Variants in CDC42EP5 observed in about 807,000 individuals in gnomAD.
CDC42EP5 encodes the protein CDC42 effector protein (Rho GTPase binding) 5.
For synonymous variants in CDC42EP5, 118 were observed against 123.3 expected, an observed-to-expected ratio of 0.96 and a Z score of 0.28; for missense variants, 269 against 238.0, an observed-to-expected ratio of 1.13 and a Z score of -0.86.
intron 2 of CDC42EP5, among the ~76,000 whole-genome samples, chr19:54,468,888 A>ATTCCTTCCTTCCTTCCTTCCTTCCTTCC (rs774378859): frequency 0.014 from 1,636 of 116,324 alleles, 49 homozygotes; most frequent in Middle Eastern, 0.028. Context: ...AGATACTCTG[A>ATTCCTTCCTTCCTTCCTTCCTTCCTTCC]TTCCTTCCTT....
intron 2 of CDC42EP5, among the ~76,000 whole-genome samples, chr19:54,465,939 G>A (rs930873810): frequency 1.3e-5 from 2 of 151,588 alleles, no homozygotes; most frequent in Admixed American, 1.3e-4. Flanking sequence ...CCGGCCTCCC[G>A]TTTCACAGAT....
rs1177778944 is a variant in CDC42EP5 at position 54,465,441 on chromosome 19, A to C, written c.107T>G (p.Val36Gly). 2 of 1,505,826 alleles carry C rather than the reference A, an allele frequency of 1.3e-6. No individual in the cohort carries two copies. Among genetic ancestry groups the C allele is most frequent in the Non-Finnish European group, 1.8e-6 (2 of 1,138,296 alleles). 93.3% of individuals were successfully genotyped at this position (1,505,826 alleles called of 1,614,324 possible). ...CCCGAAGGCGTCGCCGCCGCGCCCC[A>C]CGTGCAGCGTGTGCCGGAAGTCGCC... The part of the protein sequence containing the change: ...PLGDFRHTLH[V>G]GRGGDAFGDT... The change falls in exon 3 of 3, where the codon GTG becomes GGG. Residue 36 changes from valine (V) to glycine (G), a missense_variant. By Grantham distance (109) the Val-to-Gly change is moderately radical. Coordinates refer to ENST00000301200, the MANE Select transcript of CDC42EP5 (RefSeq NM_145057.4).
At chr19:54,470,900 T>C (rs2084826454) in intron 2 of CDC42EP5, among the ~76,000 whole-genome samples, 2 of 152,282 alleles carry the variant, frequency 1.3e-5, no homozygotes, top group Admixed American at 6.5e-5. Flanking sequence ...TCTGACACCC[T>C]TGATTGTCTT....
intron 2 of CDC42EP5, among the ~76,000 whole-genome samples, chr19:54,469,802 C>G (rs1173624674): frequency 1.3e-5 from 2 of 152,198 alleles, no homozygotes; most frequent in Non-Finnish European, 2.9e-5. Context: ...GTGTCTAGAG[C>G]TGGCTGCCTC....
At position 54,465,305 on chromosome 19, in the gene CDC42EP5, C is replaced by T. The variant is rs1310357950; in HGVS notation, c.243G>A (p.Ala81=). The T allele has an allele frequency of 8.1e-7, 1 of 1,230,164 alleles. No individual in the cohort carries two copies. The highest frequency in any genetic ancestry group is 1.0e-6 in the Non-Finnish European group (1 of 985,016). The allele number at this position is 1,230,164 out of a possible 1,614,324, so 76.2% of individuals were successfully genotyped here. Residue 81 remains alanine, a synonymous_variant, in exon 3 of 3, where the codon GCG becomes GCA. Coordinates refer to ENST00000301200, the MANE Select transcript of CDC42EP5 (RefSeq NM_145057.4). ...ACAGCAGCGGGTCGGCAGGCGAGGG[C>T]GCTGCGGACTGCGGGACGGCGGGCG... ...PPPPAVPQSA[A]PSPADPLLSF... is the part of the protein sequence containing the mutation.
chr19:54,466,367 G>A (rs2084756875), intron 2 of CDC42EP5, among the ~76,000 whole-genome samples: 1 of 152,170 alleles, frequency 6.6e-6, no homozygotes, highest in Non-Finnish European at 1.5e-5. Flanking sequence ...GGAGGCGGAG[G>A]TTGCAGGGAG....
chr19:54,469,951 A>G (rs1347304779), intron 2 of CDC42EP5, among the ~76,000 whole-genome samples: 1 of 152,044 alleles, frequency 6.6e-6, no homozygotes, highest in Non-Finnish European at 1.5e-5. Context: ...CAACACACAT[A>G]AAGTCTTGGT....
intron 2 of CDC42EP5, among the ~76,000 whole-genome samples, chr19:54,471,047 A>G (rs2123300072): frequency 6.6e-6 from 1 of 152,012 alleles, no homozygotes; most frequent in East Asian, 1.9e-4. Context: ...GAAGCCTCTG[A>G]CCTCCCTCTG....
chr19:54,468,563 G>A (rs999764574), intron 2 of CDC42EP5, among the ~76,000 whole-genome samples: 3 of 152,034 alleles, frequency 2.0e-5, no homozygotes, highest in Non-Finnish European at 2.9e-5. Flanking sequence ...GTCTTGTTTT[G>A]AGACAGGGTC....
At position 54,473,139 on chromosome 19, in the gene CDC42EP5, A is replaced by C. The variant is rs980084191; in HGVS notation, c.-217T>G. The C allele has an allele frequency of 2.6e-5, 4 of 153,174 alleles. No homozygotes were observed. Among genetic ancestry groups the C allele is most frequent in the African/African-American group, 9.6e-5 (4 of 41,480 alleles). The allele number at this position is 153,174 out of a possible 1,614,324, so 9.5% of individuals were successfully genotyped here. On this transcript the variant is annotated 5_prime_UTR_variant, in exon 1 of 3. Coordinates refer to ENST00000301200, the MANE Select transcript of CDC42EP5 (RefSeq NM_145057.4). ...CCAGGCAGAAGCGGAATCACCGCCC[A>C]GTCCCCAGGCAGAGAGGGTTTTGGC...
At position 54,465,360 on chromosome 19, in the gene CDC42EP5, G is replaced by T. The variant is rs1219881398; in HGVS notation, c.188C>A (p.Pro63His). ...GGGPPPEPRA[P>H]PAGAPRSPPP... ...CGGGGAGCGCGGGGCCCCCGCGGGG[G>T]GCGCCCGGGGCTCGGGGGGCGGCCC... Residue 63 changes from proline (P) to histidine (H), a missense_variant, in exon 3 of 3, where the codon CCC (proline) becomes CAC (histidine). Physicochemically the swap from Pro to His is moderately conservative, Grantham distance 77. Transcript: ENST00000301200. 35 of 1,156,732 alleles carry T rather than the reference G, an allele frequency of 3.0e-5. No individual in the cohort carries two copies. The highest frequency in any genetic ancestry group is 3.6e-4 in the Middle Eastern group (1 of 2,786). 71.7% of individuals were successfully genotyped at this position (1,156,732 alleles called of 1,614,324 possible). A position where few individuals can be genotyped will look rare whatever the true frequency, so the allele number is the denominator to read the frequency against.
intron 2 of CDC42EP5, among the ~76,000 whole-genome samples, chr19:54,469,793 T>C (rs2084810270): frequency 6.6e-6 from 1 of 152,132 alleles, no homozygotes; most frequent in Non-Finnish European, 1.5e-5. Flanking sequence ...GGAACTCCAG[T>C]GTCTAGAGCT....
At chr19:54,465,976 C>A (rs565827159) in intron 2 of CDC42EP5, among the ~76,000 whole-genome samples, 2 of 152,314 alleles carry the variant, frequency 1.3e-5, no homozygotes, top group East Asian at 3.9e-4. Flanking sequence ...CCAGGAGGTC[C>A]CATGGGCACA....
intron 2 of CDC42EP5, among the ~76,000 whole-genome samples, chr19:54,467,949 T>C (rs1434790589): frequency 6.6e-6 from 1 of 152,216 alleles, no homozygotes. Flanking sequence ...GTCACTGTTA[T>C]CGCAATAATA....
Position 54,465,131 on chromosome 19 carries a change from G to T in CDC42EP5, c.417C>A (p.Asp139Glu). 7.2e-7 allele frequency: 1 copy of T among 1,390,894 alleles called. No homozygotes were observed. 86.2% of individuals were successfully genotyped at this position (1,390,894 alleles called of 1,614,324 possible). A position where few individuals can be genotyped will look rare whatever the true frequency, so the allele number is the denominator to read the frequency against. Residue 139 changes from aspartate (D) to glutamate (E), a missense_variant, in exon 3 of 3, where the codon GAC becomes GAA. Coordinates refer to ENST00000301200, the MANE Select transcript of CDC42EP5 (RefSeq NM_145057.4). ...GGCCGATGACGTCGTTCAGCTCGAG[G>T]TCCGCGTTGGGGCGGCAGCGGGCCT... ...PPQARCRPNA[D>E]LELNDVIGL is the part of the protein sequence containing the mutation.
In CDC42EP5 at chr19:54,468,888, ATTCCTTCC is replaced by A. The variant is rs774378859; in HGVS notation, c.-1+2649_-1+2656del. ...GTCTTACAACGTGGTAGATACTCTG[ATTCCTTCC>A]TTCCTTCCTTCCTTCCTTCCTTCCT... is the stretch of plus-strand genomic sequence containing the variant. On this transcript the variant is annotated intron_variant, in intron 2 of 2. Transcript: ENST00000301200. Among the ~76,000 whole-genome samples, 64 of 116,382 alleles carry A rather than the reference ATTCCTTCC, an allele frequency of 5.5e-4. No homozygotes were observed. The South Asian group carries it at 0.012, about 21-fold the overall frequency. The allele number at this position is 116,382 out of a possible 152,430, so 76.4% of individuals were successfully genotyped here.
Position 54,465,057 on chromosome 19 carries a change from A to G in CDC42EP5, c.*44T>C. On this transcript the variant is annotated 3_prime_UTR_variant, in exon 3 of 3. Coordinates refer to ENST00000301200, the MANE Select transcript of CDC42EP5 (RefSeq NM_145057.4). ...ACACACCTTGGCCGTTTATGTATAC[A>G]GAAGTGGGGTGCCGGGCGGGAAGGG... 3 of 1,288,648 alleles carry G rather than the reference A, an allele frequency of 2.3e-6. No individual in the cohort carries two copies. The highest frequency in any genetic ancestry group is 2.0e-6 in the Non-Finnish European group (2 of 1,014,470). The allele number at this position is 1,288,648 out of a possible 1,614,324, so 79.8% of individuals were successfully genotyped here.
Position 54,465,442 on chromosome 19 carries a change from C to A in CDC42EP5, c.106G>T (p.Val36Leu). 4.6e-6 allele frequency: 7 copies of A among 1,508,184 alleles called. No homozygotes were observed. Among genetic ancestry groups the A allele is most frequent in the Non-Finnish European group, 6.1e-6 (7 of 1,139,442 alleles). 93.4% of individuals were successfully genotyped at this position (1,508,184 alleles called of 1,614,324 possible). Residue 36 changes from valine (V) to leucine (L), a missense_variant, in exon 3 of 3, where the codon GTG (valine) becomes TTG (leucine). Coordinates refer to ENST00000301200, the MANE Select transcript of CDC42EP5 (RefSeq NM_145057.4). ...CCGAAGGCGTCGCCGCCGCGCCCCA[C>A]GTGCAGCGTGTGCCGGAAGTCGCCG... ...PLGDFRHTLH[V>L]GRGGDAFGDT... is the part of the protein sequence containing the mutation.
At chr19:54,465,638 TTTTG>T in intron 2 of CDC42EP5, 91 bp from the exon 3 acceptor site, 3 of 1,301,762 alleles carry the variant, frequency 2.3e-6, no homozygotes. Context: ...GGTTCCCGTT[TTTTG>T]TTTTTTGATT....
Sources: allele counts gnomAD v4.1 joint callset (sites outside exome capture counted in the v4.1 genomes callset), GRCh38; gene constraint gnomAD v4.1.1; transcripts MANE v1.5; gene names NCBI Gene and HGNC (gene_info 2026-07-23, HGNC 2026-07-21).